CERS6: variants seen among roughly 807,000 people sequenced by gnomAD.
The protein encoded by CERS6 is LAG1 homolog, ceramide synthase 6.
In CERS6, 26 loss-of-function variants were observed where a neutral mutation model predicts 56.8. That is an observed-to-expected ratio of 0.46 (90% CI 0.34 to 0.63). CERS6 has a LOEUF of 0.63. Ranked by LOEUF, CERS6 falls within the 30% of genes least tolerant of loss-of-function variation. The pLI is 0.01. For synonymous variants in CERS6, 164 were observed against 173.3 expected (o/e 0.95, Z 0.42); for missense variants, 415 against 467.5 (o/e 0.89, Z 1.04).
intron 8 of CERS6, among the ~76,000 whole-genome samples, chr2:168,753,191 C>T (rs1050122620): frequency 2.0e-5 from 3 of 152,158 alleles, no homozygotes; most frequent in African/African-American, 7.2e-5. Flanking sequence ...GAGCCCAGCA[C>T]CAGGTGTTTT....
Position 168,547,712 on chromosome 2 carries a change from C to T in CERS6, c.276+11C>T, listed in dbSNP as rs1348809390. On this transcript the variant is annotated intron_variant, in intron 2 of 9. Coordinates refer to ENST00000305747, the MANE Select transcript of CERS6 (RefSeq NM_203463.3). ...ACTGCAATTACAAAGGTATGATTGTCCTTTCCTGGGGTATAGATTGTCCCC... is the reference window on the plus strand; with the variant it reads ...ACTGCAATTACAAAGGTATGATTGTTCTTTCCTGGGGTATAGATTGTCCCC... 6.5e-7 allele frequency: 1 copy of T among 1,536,258 alleles called. No homozygotes were observed. Among genetic ancestry groups the T allele is most frequent in the African/African-American group, 1.4e-5 (1 of 73,418 alleles).
intron 6 of CERS6, among the ~76,000 whole-genome samples, chr2:168,710,384 A>C (rs532037654): frequency 6.6e-6 from 1 of 152,352 alleles, no homozygotes; most frequent in Non-Finnish European, 1.5e-5. Flanking sequence ...AAAATGTGGA[A>C]AATATTGTTC....
intron 3 of CERS6, among the ~76,000 whole-genome samples, chr2:168,568,245 TA>T (rs527855136): frequency 1.1e-3 from 163 of 152,330 alleles, no homozygotes; most frequent in African/African-American, 3.8e-3. Context: ...TTTTAAATAA[TA>T]TTTTTTTCCA....
intron 2 of CERS6, among the ~76,000 whole-genome samples, chr2:168,552,175 G>A (rs1448844494): frequency 1.3e-5 from 2 of 150,766 alleles, no homozygotes; most frequent in African/African-American, 2.4e-5. Context: ...TTCCTTCTTT[G>A]CCTCCCAGTA....
At chr2:168,763,136 C>A (rs147717763) in intron 8 of CERS6, among the ~76,000 whole-genome samples, 1 of 152,264 alleles carries the variant, frequency 6.6e-6, no homozygotes, top group East Asian at 1.9e-4. Flanking sequence ...TCAGCCCCCC[C>A]AAAGTGCTGG....
chr2:168,554,648 A>G (rs745658172), intron 2 of CERS6, among the ~76,000 whole-genome samples: 1 of 152,220 alleles, frequency 6.6e-6, no homozygotes, highest in Admixed American at 6.5e-5. Context: ...CTCCAGAACC[A>G]TGAGACTATA....
At chr2:168,488,799 C>T (rs1163923633) in intron 1 of CERS6, among the ~76,000 whole-genome samples, 1 of 152,012 alleles carries the variant, frequency 6.6e-6, no homozygotes, top group East Asian at 1.9e-4. Context: ...ATGTTATATT[C>T]TTTAAGTAAA....
intron 3 of CERS6, among the ~76,000 whole-genome samples, chr2:168,577,826 G>A (rs1281741860): frequency 1.3e-5 from 2 of 152,186 alleles, no homozygotes; most frequent in African/African-American, 4.8e-5. Context: ...GAGGAGTGGG[G>A]AGAAAGTGTG....
chr2:168,702,791 G>C (rs1686837145), intron 6 of CERS6, among the ~76,000 whole-genome samples: 1 of 152,158 alleles, frequency 6.6e-6, no homozygotes, highest in Non-Finnish European at 1.5e-5. Context: ...ACAAATTTTA[G>C]TATGGTGCCA....
At chr2:168,543,402 A>G (rs952655410) in intron 1 of CERS6, among the ~76,000 whole-genome samples, 16 of 152,048 alleles carry the variant, frequency 1.1e-4, no homozygotes, top group African/African-American at 3.4e-4. Flanking sequence ...CTCTGACTCT[A>G]TCTCTTTCTC....
chr2:168,675,118 C>T (rs1686023231), intron 4 of CERS6, among the ~76,000 whole-genome samples: 2 of 151,866 alleles, frequency 1.3e-5, no homozygotes, highest in Non-Finnish European at 2.9e-5. Context: ...GGACTACAGG[C>T]GCACACCACC....
chr2:168,735,777 G>T (rs1285305351), intron 8 of CERS6, among the ~76,000 whole-genome samples: 2 of 151,300 alleles, frequency 1.3e-5, no homozygotes. Flanking sequence ...TGCTACTTGG[G>T]AGGCTAAGGC....
chr2:168,708,250 A>G (rs564070322), intron 6 of CERS6, among the ~76,000 whole-genome samples: 1 of 152,292 alleles, frequency 6.6e-6, no homozygotes, highest in East Asian at 1.9e-4. Flanking sequence ...ATGGAGACTG[A>G]GTAGCTACTC....
intron 8 of CERS6, among the ~76,000 whole-genome samples, chr2:168,743,995 CTTTTTTT>C (rs58256507): frequency 1.6e-5 from 1 of 63,404 alleles, no homozygotes; most frequent in Admixed American, 2.3e-4. Context: ...TCTTTTTTTT[CTTTTTTT>C]TTTTTTTTTT....
chr2:168,491,302 C>T (rs1254674580), intron 1 of CERS6, among the ~76,000 whole-genome samples: 4 of 152,200 alleles, frequency 2.6e-5, no homozygotes, highest in Non-Finnish European at 5.9e-5. Flanking sequence ...TAGGGCTTTG[C>T]GCCCATGTTT....
intron 3 of CERS6, among the ~76,000 whole-genome samples, chr2:168,602,160 T>C (rs1683948560): frequency 6.6e-6 from 1 of 152,226 alleles, no homozygotes. Context: ...AAATAAGCAT[T>C]GGCCGATTCT....
chr2:168,624,837 A>T (rs916813156), intron 3 of CERS6, among the ~76,000 whole-genome samples: 2 of 152,172 alleles, frequency 1.3e-5, no homozygotes, highest in Non-Finnish European at 2.9e-5. Context: ...TTCATATCTC[A>T]TGAAAGCTCT....
At chr2:168,653,086 A>G (rs1243183459) in intron 4 of CERS6, among the ~76,000 whole-genome samples, 10 of 152,232 alleles carry the variant, frequency 6.6e-5, no homozygotes, top group Non-Finnish European at 1.5e-4. Flanking sequence ...TTATCAGGTC[A>G]TTGGAAGTAG....
chr2:168,545,129 A>ATGTATTTGTAGAAACACATG (rs1397471624), intron 1 of CERS6, among the ~76,000 whole-genome samples: 5 of 151,942 alleles, frequency 3.3e-5, no homozygotes, highest in African/African-American at 1.2e-4. Flanking sequence ...AGAAACACAC[A>ATGTATTTGTAGAAACACATG]CATGTATTTG....
Sources: gnomAD v4.1 joint callset for allele counts (sites outside exome capture counted in the v4.1 genomes callset) on GRCh38, gnomAD v4.1.1 for gene constraint, MANE v1.5 for transcripts, NCBI Gene and HGNC (gene_info 2026-07-23, HGNC 2026-07-21) for gene names.